Variants in DMTN observed in about 807,000 individuals in gnomAD.
The protein encoded by DMTN is dematin.
DMTN carries 27 observed loss-of-function variants against 59.4 expected under a neutral mutation model. The ratio of observed to expected loss-of-function variants is 0.45; its 90% confidence interval spans 0.33 to 0.63. DMTN has a LOEUF of 0.63. Ranked by LOEUF, DMTN falls within the 20% of genes least tolerant of loss-of-function variation. DMTN has a pLI of 0.02. For missense variants in DMTN, 451 were observed against 528.9 expected, an observed-to-expected ratio of 0.85 and a Z score of 1.45; for synonymous variants, 221 against 203.7, an observed-to-expected ratio of 1.08 and a Z score of -0.72.
upstream of DMTN, among the ~76,000 whole-genome samples, chr8:22,051,073 T>A (rs1801305365): frequency 6.6e-6 from 1 of 152,146 alleles, no homozygotes; most frequent in African/African-American, 2.4e-5. Context: ...CAACCCTGCT[T>A]GCCTCTGAGC....
At chr8:22,079,269 A>AT (rs1554562269) in intron 10 of DMTN, among the ~76,000 whole-genome samples, 10 of 21,210 alleles carry the variant, frequency 4.7e-4, no homozygotes, top group African/African-American at 1.2e-3. Flanking sequence ...TAAATAAATA[A>AT]ATAAATAAAT....
At position 22,070,411 on chromosome 8, in the gene DMTN, C is replaced by G. The variant is rs193201320; in HGVS notation, c.604+77C>G. The stretch of plus-strand genomic sequence containing the variant: ...CCTCCCCTTGGCTCTTGCTGCAGTC[C>G]GTGAACCCACTCCCACCCCTGCCCT... On this transcript the variant is annotated intron_variant, in intron 8 of 15. Coordinates refer to ENST00000358242, the MANE Select transcript of DMTN (RefSeq NM_001387751.1). 2.7e-5 allele frequency: 40 copies of G among 1,497,526 alleles called. No homozygotes were observed. In the African/African-American group the frequency reaches 5.2e-4, roughly 19 times the overall value. 92.8% of individuals were successfully genotyped at this position (1,497,526 alleles called of 1,614,324 possible).
intron 9 of DMTN, among the ~76,000 whole-genome samples, chr8:22,072,716 C>G (rs1386134897): frequency 1.3e-5 from 2 of 151,034 alleles, no homozygotes; most frequent in Non-Finnish European, 2.9e-5. Flanking sequence ...CTCAAGCGAT[C>G]CGCCCACCTC....
intron 14 of DMTN, 52 bp from the exon 15 acceptor site, chr8:22,081,061 C>G: frequency 6.3e-7 from 1 of 1,579,544 alleles, no homozygotes; most frequent in South Asian, 1.1e-5. Flanking sequence ...CCTAGGGAGT[C>G]GAAGGACAGG....
rs1563403747 is a variant in DMTN at position 22,060,451 on chromosome 8, G to GCA, written c.-172+3324_-172+3325dup. Among the ~76,000 whole-genome samples the GCA allele has an allele frequency of 6.7e-6, 1 of 150,364 alleles. No individual in the cohort carries two copies. The highest frequency in any genetic ancestry group is 2.5e-5 in the African/African-American group (1 of 40,504). On this transcript the variant is annotated intron_variant, in intron 1 of 15. Transcript: ENST00000358242. The surrounding 1 kb of genome is among the most constrained non-coding windows in gnomAD (Gnocchi z 5.0). ...CTCTCTCCCCCTCACACATGCGCAC[G>GCA]CACACACACATATACACACACTCTT...
At chr8:22,051,547 C>T (rs1801355859), upstream of DMTN, among the ~76,000 whole-genome samples, 2 of 152,172 alleles carry the variant, frequency 1.3e-5, no homozygotes, top group African/African-American at 4.8e-5. Context: ...CACACCCCAC[C>T]CCCCTCGGCC....
chr8:22,052,057 C>T (rs1400629215), upstream of DMTN, among the ~76,000 whole-genome samples: 1 of 151,552 alleles, frequency 6.6e-6, no homozygotes, highest in East Asian at 1.9e-4. Context: ...GCGTGTCCTG[C>T]TCTAGCACAC....
chr8:22,076,859 C>T (rs939821988), intron 10 of DMTN, among the ~76,000 whole-genome samples: 1 of 152,058 alleles, frequency 6.6e-6, no homozygotes, highest in Non-Finnish European at 1.5e-5. Flanking sequence ...CCTTCAAAGG[C>T]CTCCCCTGTG....
intron 1 of DMTN, among the ~76,000 whole-genome samples, chr8:22,064,087 G>GGGAC (rs1260675989): frequency 1.3e-4 from 19 of 151,986 alleles, no homozygotes; most frequent in Non-Finnish European, 2.4e-4. Context: ...CAGGGATGCA[G>GGGAC]GGACGGATGG....
At chr8:22,053,619 G>T, upstream of DMTN, 1 of 152,788 alleles carries the variant, frequency 6.5e-6, no homozygotes. Flanking sequence ...AGCAGGGCCG[G>T]AGTCCACCCA....
chr8:22,064,606 C>T (rs905743849), intron 1 of DMTN, among the ~76,000 whole-genome samples: 6 of 152,144 alleles, frequency 3.9e-5, no homozygotes, highest in Non-Finnish European at 8.8e-5. Context: ...CTACAGGCGC[C>T]CGCCACCACG....
In DMTN at chr8:22,070,282, A is replaced by T. The variant is rs776215080; in HGVS notation, c.552A>T (p.Pro184=). Residue 184 remains proline (P), a synonymous_variant, in exon 8 of 16, where the codon CCA becomes CCT. Transcript: ENST00000358242. ...CCCAGCCCCCAGACCCCAACCAGCC[A>T]GCCAAAATCGAAACCGACTACTGGC... ...PAAQPPDPNQ[P]AKIETDYWPC... 1 of 1,613,716 alleles carries T rather than the reference A, an allele frequency of 6.2e-7. No homozygotes were observed. The highest frequency in any genetic ancestry group is 1.7e-5 in the Admixed American group (1 of 59,940).
chr8:22,082,085 G>C lies in DMTN; in HGVS notation c.*622G>C. 1 of 456,690 alleles carries C rather than the reference G, an allele frequency of 2.2e-6. No individual in the cohort carries two copies. The highest frequency in any genetic ancestry group is 1.5e-5 in the South Asian group (1 of 64,566). The allele number at this position is 456,690 out of a possible 1,614,324, so 28.3% of individuals were successfully genotyped here. A position where few individuals can be genotyped will look rare whatever the true frequency, so the allele number is the denominator to read the frequency against. On this transcript the variant is annotated 3_prime_UTR_variant, in exon 16 of 16. Coordinates refer to ENST00000358242, the MANE Select transcript of DMTN (RefSeq NM_001387751.1). ...TCCCCAGAAGCCTGGGCTTAGGGTG[G>C]AGATGCCGCCTACACACGATCCTGG...
rs112725044 is a variant in DMTN at position 22,080,117 on chromosome 8, C to T, written c.836-63C>T. 3,514 of 1,591,858 alleles carry T rather than the reference C, an allele frequency of 2.2e-3. 74 individuals carry two copies. In the African/African-American group the frequency reaches 0.043, roughly 20 times the overall value. On this transcript the variant is annotated intron_variant, in intron 10 of 15. Coordinates refer to ENST00000358242, the MANE Select transcript of DMTN (RefSeq NM_001387751.1). ...CAGCTGTGGAAGGCCAGTGAGGTTG[C>T]TGTCTCAGGAAGGGCTGTCAGGGCC... is the stretch of plus-strand genomic sequence containing the variant.
intron 6 of DMTN, 108 bp from the exon 7 acceptor site, chr8:22,069,773 G>A: frequency 1.5e-6 from 2 of 1,316,446 alleles, no homozygotes; most frequent in South Asian, 2.4e-5. Flanking sequence ...GCTCTTGACA[G>A]GGGCCAGTGA....
chr8:22,062,477 G>A (rs753115441), intron 1 of DMTN, among the ~76,000 whole-genome samples: 7 of 152,042 alleles, frequency 4.6e-5, no homozygotes, highest in Admixed American at 2.6e-4. Context: ...TCCTGCTGCC[G>A]TCTTGCTCCA....
intron 9 of DMTN, among the ~76,000 whole-genome samples, chr8:22,072,742 T>G (rs1459501805): frequency 3.3e-5 from 5 of 151,734 alleles, no homozygotes; most frequent in African/African-American, 1.2e-4. Flanking sequence ...CCCAAAGTGC[T>G]TGAATTACAG....
rs766150554 is a variant in DMTN, at chr8:22,067,121, C to T, written c.55C>T (p.Arg19Ter). 1.9e-6 allele frequency: 3 copies of T among 1,608,594 alleles called. No individual in the cohort carries two copies. Among genetic ancestry groups the T allele is most frequent in the Non-Finnish European group, 2.5e-6 (3 of 1,177,840 alleles). ...LTSPGSVSPS[R>*]DSSVPGSPSS... The stretch of plus-strand genomic sequence containing the variant: ...CTCCCCCGGGAGCGTGAGCCCCTCC[C>T]GAGATTCCAGTGTGCCTGGCTCTCC... Residue 19 changes from arginine to a stop codon, truncating the protein, a stop_gained, in exon 3 of 16, where the codon CGA becomes TGA. Coordinates refer to ENST00000358242, the MANE Select transcript of DMTN (RefSeq NM_001387751.1). LOFTEE classifies it high-confidence loss of function.
chr8:22,067,697 C>T lies in DMTN; in HGVS notation c.249+15C>T. ...GCAGCCGCGAGGTGAGGGGGCTCCT[C>T]TTGGGCAGGACTCCGGGGGAGGCCC... On this transcript the variant is annotated intron_variant, in intron 4 of 15. Coordinates refer to ENST00000358242, the MANE Select transcript of DMTN (RefSeq NM_001387751.1). 6.2e-7 allele frequency: 1 copy of T among 1,612,746 alleles called. No homozygotes were observed.
Sources: allele counts gnomAD v4.1 joint callset (sites outside exome capture counted in the v4.1 genomes callset), GRCh38; gene constraint gnomAD v4.1.1; non-coding constraint Gnocchi (gnomAD v3.1); transcripts MANE v1.5; gene names NCBI Gene and HGNC (gene_info 2026-07-23, HGNC 2026-07-21).